FGF12: variants seen among roughly 807,000 people sequenced by gnomAD.
FGF12 encodes fibroblast growth factor 12B.
Under a neutral mutation model 23.6 loss-of-function variants are expected in FGF12, and 14 were observed. The ratio of observed to expected loss-of-function variants is 0.59; its 90% confidence interval spans 0.39 to 0.93. The LOEUF (loss-of-function observed/expected upper bound fraction) is 0.93, where lower values mean the gene tolerates loss of function less well. Ranked by LOEUF, FGF12 falls within the 40% of genes least tolerant of loss-of-function variation. The pLI, the probability that FGF12 is intolerant of heterozygous loss-of-function variation, is 0.00. For missense variants in FGF12, 175 were observed against 217.8 expected, an observed-to-expected ratio of 0.80 and a Z score of 1.24; for synonymous variants, 62 against 77.3, an observed-to-expected ratio of 0.80 and a Z score of 1.04.
At chr3:192,391,968 C>A (rs934512124) in intron 2 of FGF12, among the ~76,000 whole-genome samples, 7 of 152,118 alleles carry the variant, frequency 4.6e-5, no homozygotes, top group African/African-American at 1.7e-4. Flanking sequence ...TTTACTAAAG[C>A]CTTGCTACTC....
At chr3:192,686,209 G>A (rs1717725819) in intron 2 of FGF12, among the ~76,000 whole-genome samples, 1 of 152,202 alleles carries the variant, frequency 6.6e-6, no homozygotes, top group Admixed American at 6.5e-5. Flanking sequence ...ACAAGACACA[G>A]GAGGTGACAG....
At chr3:192,685,109 T>A (rs1417920257) in intron 2 of FGF12, among the ~76,000 whole-genome samples, 1 of 152,150 alleles carries the variant, frequency 6.6e-6, no homozygotes, top group Non-Finnish European at 1.5e-5. Flanking sequence ...TGGAGTGCAG[T>A]GACACGACCT....
intron 4 of FGF12, among the ~76,000 whole-genome samples, chr3:192,261,239 C>T (rs575259751): frequency 5.9e-5 from 9 of 152,234 alleles, no homozygotes; most frequent in African/African-American, 1.9e-4. Flanking sequence ...CCTGGTCTAC[C>T]TGAAAACCTC....
intron 5 of FGF12, among the ~76,000 whole-genome samples, chr3:192,168,508 AAAT>A (rs1317685971): frequency 1.4e-4 from 22 of 152,178 alleles, no homozygotes; most frequent in African/African-American, 5.1e-4. Flanking sequence ...CTTTTTGGGA[AAAT>A]AATAGCCTTT....
At chr3:192,507,191 C>T (rs1724336132) in intron 2 of FGF12, among the ~76,000 whole-genome samples, 1 of 152,138 alleles carries the variant, frequency 6.6e-6, no homozygotes, top group East Asian at 1.9e-4. Context: ...TGTGCCCGGC[C>T]ATGAACTCAG....
intron 4 of FGF12, among the ~76,000 whole-genome samples, chr3:192,321,375 TA>T (rs2108682147): frequency 6.6e-6 from 1 of 151,428 alleles, no homozygotes; most frequent in South Asian, 2.1e-4. Flanking sequence ...ATAATTTTAT[TA>T]AACATTTAAT....
rs957126841 is a variant in FGF12, at chr3:192,140,046, C to T, written c.*3963G>A. 2.6e-5 allele frequency: 4 copies of T among 151,910 alleles called. No homozygotes were observed. The highest frequency in any genetic ancestry group is 5.9e-5 in the Non-Finnish European group (4 of 67,880). 9.4% of individuals were successfully genotyped at this position (151,910 alleles called of 1,614,324 possible). A position where few individuals can be genotyped will look rare whatever the true frequency, so the allele number is the denominator to read the frequency against. On this transcript the variant is annotated 3_prime_UTR_variant, in exon 6 of 6. Transcript: ENST00000445105. The stretch of plus-strand genomic sequence containing the variant: ...CTTTGATTATTATTCCCACCTGTTT[C>T]TTTTTTATTATAAAGTGGCAATTTG...
chr3:192,717,670 C>T (rs930172341), intron 2 of FGF12, among the ~76,000 whole-genome samples: 1 of 152,104 alleles, frequency 6.6e-6, no homozygotes, highest in Non-Finnish European at 1.5e-5. Flanking sequence ...ACTTATAATT[C>T]AATCGTCATT....
Position 192,653,340 on chromosome 3 carries a change from C to T in FGF12, c.13+73841G>A, listed in dbSNP as rs553732922. Among the ~76,000 whole-genome samples the T allele has an allele frequency of 4.9e-4, 74 of 152,260 alleles. 1 individual carries two copies. The highest frequency in any genetic ancestry group is 1.7e-3 in the African/African-American group (70 of 41,558). On this transcript the variant is annotated intron_variant, in intron 2 of 5. Coordinates refer to ENST00000445105, the MANE Select transcript of FGF12 (RefSeq NM_004113.6). The stretch of plus-strand genomic sequence containing the variant: ...CATTTCTTTAGAATAATCAAAAAAT[C>T]TCACTTTTCCCAAATCATCCCCAGG...
At chr3:192,180,649 C>A (rs1382265150) in intron 4 of FGF12, among the ~76,000 whole-genome samples, 4 of 152,198 alleles carry the variant, frequency 2.6e-5, no homozygotes, top group African/African-American at 9.7e-5. Flanking sequence ...AAATTATCAA[C>A]TAAGGCTAAA....
At chr3:192,330,913 A>C (rs185091870) in intron 4 of FGF12, among the ~76,000 whole-genome samples, 1 of 152,260 alleles carries the variant, frequency 6.6e-6, no homozygotes, top group Admixed American at 6.5e-5. Context: ...ACAGAGTGAG[A>C]AGGTAGCCTA....
In FGF12 at chr3:192,142,930, G is replaced by T. The variant is rs1223178850; in HGVS notation, c.*1079C>A. 6.6e-6 allele frequency: 1 copy of T among 152,038 alleles called. No homozygotes were observed. Among genetic ancestry groups the T allele is most frequent in the Non-Finnish European group, 1.5e-5 (1 of 67,976 alleles). 9.4% of individuals were successfully genotyped at this position (152,038 alleles called of 1,614,324 possible). A position where few individuals can be genotyped will look rare whatever the true frequency, so the allele number is the denominator to read the frequency against. ...GTTTAAAAAACAATATAAGACTGTG[G>T]TAAGGTACAAACGCAAATGCAATTT... On this transcript the variant is annotated 3_prime_UTR_variant, in exon 6 of 6. Transcript: ENST00000445105.
chr3:192,598,702 C>A (rs781304789), intron 2 of FGF12, among the ~76,000 whole-genome samples: 2 of 152,104 alleles, frequency 1.3e-5, no homozygotes, highest in Admixed American at 6.6e-5. Flanking sequence ...CATGGCACAG[C>A]AAATAGTAGA....
intron 4 of FGF12, among the ~76,000 whole-genome samples, chr3:192,215,847 G>A (rs1718167783): frequency 6.6e-6 from 1 of 152,082 alleles, no homozygotes; most frequent in African/African-American, 2.4e-5. Flanking sequence ...TTCCCTAAAA[G>A]TCTCATCTAA....
chr3:192,199,400 T>C (rs1221882703), intron 4 of FGF12, among the ~76,000 whole-genome samples: 8 of 152,230 alleles, frequency 5.3e-5, no homozygotes, highest in Admixed American at 4.6e-4. Context: ...TCAGATCAGA[T>C]GTCCTCCGTA....
intron 4 of FGF12, among the ~76,000 whole-genome samples, chr3:192,310,108 A>C (rs1715856929): frequency 6.6e-6 from 1 of 152,200 alleles, no homozygotes; most frequent in Admixed American, 6.5e-5. Flanking sequence ...ATACTGTAAT[A>C]AACACAAAAA....
At chr3:192,691,475 A>T (rs919344397) in intron 2 of FGF12, among the ~76,000 whole-genome samples, 2 of 152,100 alleles carry the variant, frequency 1.3e-5, no homozygotes, top group African/African-American at 4.8e-5. Context: ...GAAATTTTAA[A>T]CTCTCTTAAA....
At chr3:192,240,335 G>A (rs1719544157) in intron 4 of FGF12, among the ~76,000 whole-genome samples, 1 of 151,946 alleles carries the variant, frequency 6.6e-6, no homozygotes, top group African/African-American at 2.4e-5. Flanking sequence ...ATAATACAAT[G>A]ACTTATCTGA....
At chr3:192,373,252 T>C (rs1296535720) in intron 2 of FGF12, among the ~76,000 whole-genome samples, 1 of 152,046 alleles carries the variant, frequency 6.6e-6, no homozygotes, top group Non-Finnish European at 1.5e-5. Flanking sequence ...ATCTAGTTCT[T>C]AGCATAGTGC....
Sources: allele counts gnomAD v4.1 joint callset (sites outside exome capture counted in the v4.1 genomes callset), GRCh38; gene constraint gnomAD v4.1.1; transcripts MANE v1.5; gene names NCBI Gene and HGNC (gene_info 2026-07-23, HGNC 2026-07-21).